Variants in TGIF2 observed in about 807,000 individuals in gnomAD.
TGIF2 encodes the protein TGFB induced factor homeobox 2.
Under a neutral mutation model 15.1 loss-of-function variants are expected in TGIF2, and 5 were observed. That is an observed-to-expected ratio of 0.33 (90% CI 0.17 to 0.70). The LOEUF (loss-of-function observed/expected upper bound fraction) is 0.70. Ranked by LOEUF, TGIF2 falls within the 30% of genes least tolerant of loss-of-function variation. The probability of loss-of-function intolerance (pLI) is 0.67; values close to 1 mark genes in which losing one functional copy is unlikely to be tolerated. For synonymous variants in TGIF2, 131 were observed against 128.9 expected (o/e 1.02, Z -0.11); for missense variants, 264 against 302.5 (o/e 0.87, Z 0.94).
intron 2 of TGIF2, among the ~76,000 whole-genome samples, chr20:36,581,770 AGGT>A (rs2038550823): frequency 6.6e-6 from 1 of 152,012 alleles, no homozygotes; most frequent in Admixed American, 6.6e-5. Context: ...CTGGGATTAC[AGGT>A]GCATGCCCCT....
At position 36,591,432 on chromosome 20, in the gene TGIF2, G is replaced by A. The variant is rs759423877; in HGVS notation, c.*1G>A. The stretch of plus-strand genomic sequence containing the variant: ...TTTAGTCTCTGAAAATCCCCAGTAG[G>A]CATCTGCCAAGAAGGGTGCTGAAGG... On this transcript the variant is annotated 3_prime_UTR_variant, in exon 3 of 3. Coordinates refer to ENST00000373872, the MANE Select transcript of TGIF2 (RefSeq NM_021809.7). The surrounding 1 kb of genome is among the most constrained non-coding windows in gnomAD (Gnocchi z 5.3). The A allele has an allele frequency of 7.7e-5, 124 of 1,601,346 alleles. No homozygotes were observed. Among genetic ancestry groups the A allele is most frequent in the Non-Finnish European group, 1.0e-4 (122 of 1,171,266 alleles).
At chr20:36,575,077 G>C (rs1331336539) in intron 1 of TGIF2, among the ~76,000 whole-genome samples, 1 of 152,082 alleles carries the variant, frequency 6.6e-6, no homozygotes, top group Admixed American at 6.5e-5. Context: ...GTTGGAGTTC[G>C]TGGGTGGGCG....
At chr20:36,579,055 GC>G in intron 2 of TGIF2, 89 bp downstream of exon 2, 1 of 1,496,076 alleles carries the variant, frequency 6.7e-7, no homozygotes, top group South Asian at 1.3e-5. Context: ...GTGGTCTTGG[GC>G]CACTCACTTT....
chr20:36,575,071 G>C (rs1268635813), intron 1 of TGIF2, among the ~76,000 whole-genome samples: 1 of 152,028 alleles, frequency 6.6e-6, no homozygotes, highest in East Asian at 1.9e-4. Context: ...GGGTCGGTTG[G>C]AGTTCGTGGG....
chr20:36,579,180 C>CT (rs926354843), intron 2 of TGIF2, among the ~76,000 whole-genome samples: 23 of 151,040 alleles, frequency 1.5e-4, no homozygotes, highest in Non-Finnish European at 2.1e-4. Context: ...TTAGATAGTC[C>CT]TTTTTTTTTG....
At chr20:36,577,347 G>C (rs1318770213) in intron 1 of TGIF2, among the ~76,000 whole-genome samples, 12 of 149,236 alleles carry the variant, frequency 8.0e-5, no homozygotes, top group Non-Finnish European at 4.4e-5. Context: ...TTACAGGTGT[G>C]TGCCACCACA....
At chr20:36,576,798 G>T (rs758868762) in intron 1 of TGIF2, among the ~76,000 whole-genome samples, 1 of 151,862 alleles carries the variant, frequency 6.6e-6, no homozygotes, top group African/African-American at 2.4e-5. Context: ...CTCTGCCTCC[G>T]GGCTCAAGCG....
chr20:36,573,571 G>T (rs1016354493), upstream of TGIF2: 4 of 151,704 alleles, frequency 2.6e-5, no homozygotes, highest in Middle Eastern at 3.4e-3. Flanking sequence ...CAGAGGGCGC[G>T]GGGGGAGGAG....
intron 2 of TGIF2, among the ~76,000 whole-genome samples, chr20:36,585,012 C>CA (rs777124155): frequency 6.6e-6 from 1 of 151,984 alleles, no homozygotes; most frequent in Admixed American, 6.6e-5. Flanking sequence ...GCCTGACCAA[C>CA]ACGGAGAAAC....
intron 2 of TGIF2, among the ~76,000 whole-genome samples, chr20:36,579,225 G>C (rs1438235987): frequency 6.6e-6 from 1 of 152,158 alleles, no homozygotes; most frequent in Non-Finnish European, 1.5e-5. Flanking sequence ...GGGCTGGAGT[G>C]CAGTGATGCG....
At chr20:36,584,063 T>C (rs1317490981) in intron 2 of TGIF2, among the ~76,000 whole-genome samples, 1 of 151,626 alleles carries the variant, frequency 6.6e-6, no homozygotes, top group African/African-American at 2.4e-5. Flanking sequence ...CAAGAGTCCA[T>C]CTCAAAAAAA....
chr20:36,577,765 C>T lies in TGIF2; in HGVS notation c.-34-976C>T, dbSNP rs898570055. ...TCTTGACCTCGTGATCTGCCTGCCT[C>T]GGCCTCCCAAAGTGCTAGGATTACA... On this transcript the variant is annotated intron_variant, in intron 1 of 2. Transcript: ENST00000373872. Among the ~76,000 whole-genome samples, 5 of 152,192 alleles carry T rather than the reference C, an allele frequency of 3.3e-5. No individual in the cohort carries two copies. In the East Asian group the frequency reaches 5.8e-4, roughly 18 times the overall value.
At chr20:36,586,172 A>G (rs529872265) in intron 2 of TGIF2, among the ~76,000 whole-genome samples, 16 of 152,168 alleles carry the variant, frequency 1.1e-4, no homozygotes, top group African/African-American at 3.9e-4. Flanking sequence ...ATTTTTCCCC[A>G]TCTCAAGGCC....
chr20:36,578,639 AT>A, intron 1 of TGIF2, 101 bp from the exon 2 acceptor site: 6 of 1,316,006 alleles, frequency 4.6e-6, no homozygotes, highest in Non-Finnish European at 6.1e-6. Context: ...CAACTACCCC[AT>A]TTCTGGTGTC....
chr20:36,588,815 A>T (rs563675033), intron 2 of TGIF2, among the ~76,000 whole-genome samples: 1 of 152,314 alleles, frequency 6.6e-6, no homozygotes, highest in South Asian at 2.1e-4. Context: ...TTAGGAGAAA[A>T]GACAGGACCA....
intron 2 of TGIF2, among the ~76,000 whole-genome samples, chr20:36,584,066 C>CA (rs888273130): frequency 1.2e-4 from 18 of 149,530 alleles, no homozygotes; most frequent in South Asian, 4.2e-4. Context: ...GAGTCCATCT[C>CA]AAAAAAAAAG....
intron 1 of TGIF2, among the ~76,000 whole-genome samples, chr20:36,576,656 T>G (rs1199741084): frequency 6.6e-6 from 1 of 152,116 alleles, no homozygotes; most frequent in Non-Finnish European, 1.5e-5. Flanking sequence ...AGTATACTCA[T>G]CAGCAGGTTT....
At chr20:36,575,985 G>C (rs2038420066) in intron 1 of TGIF2, among the ~76,000 whole-genome samples, 1 of 151,936 alleles carries the variant, frequency 6.6e-6, no homozygotes, top group African/African-American at 2.4e-5. Context: ...CCAGCTGTTC[G>C]GGAGGCTGAG....
intron 2 of TGIF2, among the ~76,000 whole-genome samples, chr20:36,589,898 A>C (rs1413743630): frequency 6.6e-6 from 1 of 152,144 alleles, no homozygotes; most frequent in African/African-American, 2.4e-5. Flanking sequence ...CATGTTGACC[A>C]GGCTGGTCTG....
Sources: gnomAD v4.1 joint callset for allele counts (sites outside exome capture counted in the v4.1 genomes callset) on GRCh38, gnomAD v4.1.1 for gene constraint, Gnocchi (gnomAD v3.1) non-coding constraint, MANE v1.5 for transcripts, NCBI Gene and HGNC (gene_info 2026-07-23, HGNC 2026-07-21) for gene names.